The following SHANK2 variants were observed in gnomAD, a reference collection of about 807,000 sequenced individuals.
SHANK2 encodes SH3 and multiple ankyrin repeat domains 2, also known as SH3 and multiple ankyrin repeat domains protein 2.
In SHANK2, 43 loss-of-function variants were observed where a neutral mutation model predicts 133.7. The ratio of observed to expected loss-of-function variants is 0.32; its 90% CI spans 0.25 to 0.41. The LOEUF is 0.41. Ranked by LOEUF, SHANK2 falls within the 10% of genes least tolerant of loss-of-function variation. SHANK2 has a pLI of 1.00. For synonymous variants in SHANK2, 1,017 were observed against 952.8 expected, an observed-to-expected ratio of 1.07 and a Z score of -1.24; for missense variants, 1,994 against 2,235.8, an observed-to-expected ratio of 0.89 and a Z score of 2.18.
At chr11:70,606,269 T>C (rs558283540) in intron 17 of SHANK2, among the ~76,000 whole-genome samples, 1 of 152,216 alleles carries the variant, frequency 6.6e-6, no homozygotes, top group Non-Finnish European at 1.5e-5. Flanking sequence ...GATCCTAGCA[T>C]GAACAGGCTT....
At chr11:70,690,903 A>C (rs1268162475) in intron 15 of SHANK2, among the ~76,000 whole-genome samples, 1 of 152,102 alleles carries the variant, frequency 6.6e-6, no homozygotes, top group Non-Finnish European at 1.5e-5. Flanking sequence ...TTTTAAAATT[A>C]AGAAATACGG....
At chr11:71,214,725 G>A (rs534964711) in intron 2 of SHANK2, among the ~76,000 whole-genome samples, 53 of 152,162 alleles carry the variant, frequency 3.5e-4, no homozygotes, top group African/African-American at 1.2e-3. Flanking sequence ...GTGCCACCCC[G>A]GGCTGCCCTG....
chr11:70,540,263 G>C (rs543564276), intron 17 of SHANK2, among the ~76,000 whole-genome samples: 3 of 152,298 alleles, frequency 2.0e-5, no homozygotes, highest in East Asian at 3.9e-4. Context: ...GTGTCCCCAA[G>C]AGCAGGGGCC....
intron 11 of SHANK2, among the ~76,000 whole-genome samples, chr11:70,878,208 C>A (rs1317102977): frequency 6.6e-6 from 1 of 152,188 alleles, no homozygotes; most frequent in Non-Finnish European, 1.5e-5. Context: ...GCCGCAGCTC[C>A]CTCCTGCTGA....
intron 18 of SHANK2, 66 bp downstream of exon 18, chr11:70,502,730 T>TGGGCGGGGGGGGGGGG (rs2059074701): frequency 6.5e-6 from 5 of 772,450 alleles, no homozygotes; most frequent in East Asian, 1.1e-4. Context: ...CCAGCTGTCC[T>TGGGCGGGGGGGGGGGG]GCCCGCCCCC....
rs570303697 is a variant in SHANK2 at position 70,882,544 on chromosome 11, C to A, written c.1174+13957G>T. 3.3e-5 allele frequency among the ~76,000 whole-genome samples: 5 copies of A among 152,288 alleles called. No individual in the cohort carries two copies. The highest frequency in any genetic ancestry group is 1.2e-4 in the African/African-American group (5 of 41,560). On this transcript the variant is annotated intron_variant, in intron 11 of 25. Transcript: ENST00000601538. The surrounding 1 kb of genome is among the most constrained non-coding windows in gnomAD (Gnocchi z 4.2). Reference sequence around the variant, plus strand: ...GCTGCAGGCTGACATGTGACCTTGTCATTAATAGGTCACAGAACAGGAGCA... The same window carrying A: ...GCTGCAGGCTGACATGTGACCTTGTAATTAATAGGTCACAGAACAGGAGCA...
intron 9 of SHANK2, among the ~76,000 whole-genome samples, chr11:71,073,201 C>T (rs1300994292): frequency 9.6e-6 from 1 of 104,182 alleles, no homozygotes; most frequent in Non-Finnish European, 2.0e-5. Context: ...CTCTGTCACC[C>T]AGGCTGGAGT....
intron 3 of SHANK2, among the ~76,000 whole-genome samples, chr11:71,130,149 T>C (rs1416820329): frequency 6.6e-6 from 1 of 152,228 alleles, no homozygotes; most frequent in East Asian, 1.9e-4. Context: ...AGTCTCATTC[T>C]GAGGTCCTGG....
chr11:71,099,873 G>A (rs1420267361), intron 6 of SHANK2, among the ~76,000 whole-genome samples: 1 of 151,874 alleles, frequency 6.6e-6, no homozygotes, highest in East Asian at 1.9e-4. Context: ...GTAACATGAG[G>A]CCTCACCTCT....
chr11:71,252,762 C>A (rs1948208499), upstream of SHANK2, among the ~76,000 whole-genome samples: 1 of 151,318 alleles, frequency 6.6e-6, no homozygotes, highest in Non-Finnish European at 1.5e-5. This position sits in a 1 kb window ranked among gnomAD's most constrained non-coding sequence, Gnocchi z 6.3. Context: ...GCGGCTCGGG[C>A]GTGCGCGTGG....
chr11:71,063,732 G>A (rs1017307843), intron 9 of SHANK2, among the ~76,000 whole-genome samples: 1 of 152,194 alleles, frequency 6.6e-6, no homozygotes, highest in Non-Finnish European at 1.5e-5. Context: ...ATAATTCAGT[G>A]AAGTATAAAT....
At chr11:71,230,036 T>C (rs1954715496) in intron 1 of SHANK2, among the ~76,000 whole-genome samples, 1 of 152,150 alleles carries the variant, frequency 6.6e-6, no homozygotes, top group Non-Finnish European at 1.5e-5. Context: ...ACAAGATTAT[T>C]CAGCACTTTG....
At position 70,698,583 on chromosome 11, in the gene SHANK2, G is replaced by A. The variant is rs1385929899; in HGVS notation, c.1853+105C>T. The A allele has an allele frequency of 8.5e-6, 6 of 707,906 alleles. No individual in the cohort carries two copies. The African/African-American group carries it at 1.1e-4, about 12-fold the overall frequency. The allele number at this position is 707,906 out of a possible 1,614,324, so 43.9% of individuals were successfully genotyped here. A position where few individuals can be genotyped will look rare whatever the true frequency, so the allele number is the denominator to read the frequency against. ...GCCCGGTAACAGGCACAGGGAGGCA[G>A]ACACGAGGGGCCTGAAAGCTGCATG... On this transcript the variant is annotated intron_variant, in intron 15 of 25. Coordinates refer to ENST00000601538, the MANE Select transcript of SHANK2 (RefSeq NM_012309.5).
chr11:70,947,132 A>AACAGAC (rs1491266219), intron 10 of SHANK2, among the ~76,000 whole-genome samples: 5 of 126,534 alleles, frequency 4.0e-5, no homozygotes, highest in African/African-American at 1.6e-4. Flanking sequence ...GCACCTCTCC[A>AACAGAC]ACACACACAC....
chr11:70,518,694 C>T (rs968807569), intron 17 of SHANK2, among the ~76,000 whole-genome samples: 2 of 152,198 alleles, frequency 1.3e-5, no homozygotes, highest in Admixed American at 1.3e-4. Context: ...GGCATACCCA[C>T]GCCAGGAGCC....
intron 17 of SHANK2, among the ~76,000 whole-genome samples, chr11:70,542,480 G>C (rs1234739951): frequency 6.6e-6 from 1 of 152,160 alleles, no homozygotes; most frequent in Non-Finnish European, 1.5e-5. Context: ...TGGAATTCTG[G>C]CCTCCGAACT....
intron 17 of SHANK2, among the ~76,000 whole-genome samples, chr11:70,655,147 C>T (rs1763553317): frequency 6.6e-6 from 1 of 152,198 alleles, no homozygotes; most frequent in Non-Finnish European, 1.5e-5. Flanking sequence ...CATACTACCA[C>T]ATTGATTGTG....
chr11:70,489,090 A>G, intron 24 of SHANK2: 2 of 541,136 alleles, frequency 3.7e-6, no homozygotes, highest in Non-Finnish European at 6.6e-6. Context: ...AAACTACAAT[A>G]ATTTATTCCA....
intron 14 of SHANK2, among the ~76,000 whole-genome samples, chr11:70,794,427 G>T (rs1947865626): frequency 1.3e-5 from 2 of 152,144 alleles, no homozygotes; most frequent in South Asian, 4.1e-4. Context: ...CAAAATCTAT[G>T]GTGACAGAAA....
Sources: allele counts gnomAD v4.1 joint callset (sites outside exome capture counted in the v4.1 genomes callset), GRCh38; gene constraint gnomAD v4.1.1; non-coding constraint Gnocchi (gnomAD v3.1); transcripts MANE v1.5; gene names NCBI Gene and HGNC (gene_info 2026-07-23, HGNC 2026-07-21).